The following SUCLG2 variants were observed in gnomAD, a reference collection of about 807,000 sequenced individuals.
SUCLG2 encodes the protein succinate-CoA ligase GDP-forming subunit beta.
SUCLG2 carries 42 observed loss-of-function variants against 47.9 expected under a neutral mutation model. The observed-to-expected ratio is 0.88, with a 90% CI of 0.69 to 1.14. The LOEUF (loss-of-function observed/expected upper bound fraction) is 1.14. Ranked by LOEUF, SUCLG2 falls within the 50% of genes most tolerant of loss-of-function variation. The pLI is 0.00. For missense variants in SUCLG2, 571 were observed against 525.9 expected (o/e 1.09, Z -0.84); for synonymous variants, 195 against 197.3 (o/e 0.99, Z 0.10).
chr3:67,602,758 A>G (rs1288101991), intron 2 of SUCLG2, among the ~76,000 whole-genome samples: 1 of 152,220 alleles, frequency 6.6e-6, no homozygotes, highest in Non-Finnish European at 1.5e-5. Flanking sequence ...TTTTCTGAAT[A>G]ACAATATTTA....
intron 9 of SUCLG2, among the ~76,000 whole-genome samples, chr3:67,431,515 T>G (rs919278566): frequency 6.6e-6 from 1 of 151,986 alleles, no homozygotes; most frequent in Non-Finnish European, 1.5e-5. Flanking sequence ...TAGACTGGAT[T>G]AAGAAAATGT....
chr3:67,627,666 T>C (rs1397946160), intron 1 of SUCLG2, among the ~76,000 whole-genome samples: 1 of 152,242 alleles, frequency 6.6e-6, no homozygotes, highest in Admixed American at 6.5e-5. Context: ...ACTAAAGGGC[T>C]GGCAGATAGA....
intron 9 of SUCLG2, among the ~76,000 whole-genome samples, chr3:67,462,320 A>C (rs546623730): frequency 6.6e-6 from 1 of 152,162 alleles, no homozygotes; most frequent in African/African-American, 2.4e-5. Context: ...GTCCTGTGTC[A>C]TACCTCAGAA....
rs535562697 is a variant in SUCLG2 at position 67,415,355 on chromosome 3, T to C, written c.1063-14504A>G. On this transcript the variant is annotated intron_variant, in intron 9 of 10. Coordinates refer to ENST00000307227, the MANE Select transcript of SUCLG2 (RefSeq NM_003848.4). ...ATGAATTTACACATGACAGCAATCA[T>C]GCTAAGGCTGAAGTAGCTAACACTT... 5.9e-5 allele frequency among the ~76,000 whole-genome samples: 9 copies of C among 152,306 alleles called. No homozygotes were observed. In the East Asian group the frequency reaches 1.5e-3, roughly 26 times the overall value.
intron 9 of SUCLG2, among the ~76,000 whole-genome samples, chr3:67,448,177 T>C (rs1703972693): frequency 2.0e-5 from 3 of 152,202 alleles, no homozygotes; most frequent in Admixed American, 2.0e-4. Flanking sequence ...CAAAAAACTA[T>C]GAATAACTTA....
downstream of SUCLG2, among the ~76,000 whole-genome samples, chr3:67,373,065 C>G (rs541688215): frequency 6.5e-4 from 99 of 152,238 alleles, no homozygotes; most frequent in African/African-American, 2.0e-3. Context: ...AAGAACATAT[C>G]CTTTTCACTT....
chr3:67,453,942 G>GTTGTCA (rs1233634118), intron 9 of SUCLG2, among the ~76,000 whole-genome samples: 1 of 152,142 alleles, frequency 6.6e-6, no homozygotes, highest in African/African-American at 2.4e-5. Context: ...TGTCGTTGTC[G>GTTGTCA]TGCATTTTGT....
intron 9 of SUCLG2, among the ~76,000 whole-genome samples, chr3:67,493,219 C>A (rs1705246211): frequency 6.6e-6 from 1 of 152,166 alleles, no homozygotes; most frequent in Non-Finnish European, 1.5e-5. Context: ...GTTCTGTTCT[C>A]TAAATTTTGT....
intron 2 of SUCLG2, among the ~76,000 whole-genome samples, chr3:67,551,831 T>C (rs184770656): frequency 6.6e-6 from 1 of 152,198 alleles, no homozygotes; most frequent in African/African-American, 2.4e-5. Flanking sequence ...TCGTTTATCT[T>C]CACAGCAGTC....
chr3:67,491,243 AAAAG>A (rs1303813275), intron 9 of SUCLG2, among the ~76,000 whole-genome samples: 1 of 151,262 alleles, frequency 6.6e-6, no homozygotes, highest in East Asian at 1.9e-4. Flanking sequence ...AAAAAAAAAA[AAAAG>A]AGAGAAAAGA....
chr3:67,562,352 A>C (rs578023073), intron 2 of SUCLG2, among the ~76,000 whole-genome samples: 95 of 151,700 alleles, frequency 6.3e-4, no homozygotes, highest in Non-Finnish European at 1.5e-4. Flanking sequence ...ATCTCGGCTC[A>C]TTGCAACCTC....
At position 67,520,522 on chromosome 3, in the gene SUCLG2, A is replaced by G. The variant is rs1051840028; in HGVS notation, c.530T>C (p.Ile177Thr). ...CGGGTTTGAAGCAGCCACCTCTTCA[A>G]TGTCGACGCCCCCCTGGGGGCTGCC... ...LVGSPQGGVD[I>T]EEVAASNPEL... The change falls in exon 5 of 11, where the codon ATT (isoleucine) becomes ACT (threonine). Residue 177 changes from isoleucine to threonine, a missense_variant. Transcript: ENST00000307227. 6.2e-7 allele frequency: 1 copy of G among 1,614,080 alleles called. No homozygotes were observed. Among genetic ancestry groups the G allele is most frequent in the African/African-American group, 1.3e-5 (1 of 74,940 alleles).
At chr3:67,625,624 G>C (rs55871518) in intron 1 of SUCLG2, among the ~76,000 whole-genome samples, 8,718 of 152,246 alleles carry the variant, frequency 0.057, 352 homozygotes, top group African/African-American at 0.11. Context: ...AGCTCCTGCT[G>C]CCTCTGAAAA....
chr3:67,504,630 T>C lies in SUCLG2; in HGVS notation c.757+4177A>G, dbSNP rs202195437. Among the ~76,000 whole-genome samples the C allele has an allele frequency of 3.3e-5, 5 of 152,298 alleles. No homozygotes were observed. The East Asian group carries it at 7.7e-4, about 24-fold the overall frequency. ...TGAACAGGGACCATCCTGTGCGTTGTAGTTTAGCATTATCCACGCCAGTAG... is the reference window on the plus strand; with the variant it reads ...TGAACAGGGACCATCCTGTGCGTTGCAGTTTAGCATTATCCACGCCAGTAG... On this transcript the variant is annotated intron_variant, in intron 7 of 10. Transcript: ENST00000307227.
At chr3:67,593,123 T>G (rs902509875) in intron 2 of SUCLG2, among the ~76,000 whole-genome samples, 1 of 152,242 alleles carries the variant, frequency 6.6e-6, no homozygotes, top group African/African-American at 2.4e-5. Context: ...TTCTTTAACA[T>G]GGTTTTAAAG....
chr3:67,538,657 C>A (rs1202804752), intron 2 of SUCLG2, among the ~76,000 whole-genome samples: 1 of 152,118 alleles, frequency 6.6e-6, no homozygotes, highest in Non-Finnish European at 1.5e-5. Flanking sequence ...GGCAGTATGG[C>A]CATTTTCACA....
intron 1 of SUCLG2, among the ~76,000 whole-genome samples, chr3:67,635,797 A>G (rs1052395137): frequency 6.6e-6 from 1 of 152,224 alleles, no homozygotes; most frequent in African/African-American, 2.4e-5. Context: ...AGCTGGAAGT[A>G]AAAACTGGAA....
At chr3:67,491,737 T>C (rs909535649) in intron 9 of SUCLG2, among the ~76,000 whole-genome samples, 2 of 152,230 alleles carry the variant, frequency 1.3e-5, no homozygotes, top group African/African-American at 2.4e-5. Flanking sequence ...TACTTAAAAT[T>C]TGTATACTGT....
intron 1 of SUCLG2, among the ~76,000 whole-genome samples, chr3:67,636,804 C>CTT (rs751775962): frequency 0.09 from 13,025 of 144,382 alleles, 1,877 homozygotes; most frequent in African/African-American, 0.31. Flanking sequence ...CTGGCAGTAT[C>CTT]TTTTTTTTTT....
Sources: allele counts gnomAD v4.1 joint callset (sites outside exome capture counted in the v4.1 genomes callset), GRCh38; gene constraint gnomAD v4.1.1; transcripts MANE v1.5; gene names NCBI Gene and HGNC (gene_info 2026-07-23, HGNC 2026-07-21).